The following EXOC6B variants were observed in gnomAD, a reference collection of about 807,000 sequenced individuals.
EXOC6B encodes SEC15 homolog B.
Under a neutral mutation model 113.5 loss-of-function variants are expected in EXOC6B, and 54 were observed. That is an observed-to-expected ratio of 0.48 (90% CI 0.38 to 0.60). EXOC6B has a LOEUF of 0.60. Among genes scored for constraint, EXOC6B ranks in the 20% least tolerant of loss-of-function variants. The pLI, the probability that EXOC6B is intolerant of heterozygous loss-of-function variation, is 0.00. For missense variants in EXOC6B, 797 were observed against 977.5 expected, an observed-to-expected ratio of 0.82 and a Z score of 2.46; for synonymous variants, 357 against 339.0, an observed-to-expected ratio of 1.05 and a Z score of -0.58.
chr2:72,515,160 A>G lies in EXOC6B; in HGVS notation c.916-34T>C. On this transcript the variant is annotated intron_variant, in intron 8 of 21. Coordinates refer to ENST00000272427, the MANE Select transcript of EXOC6B (RefSeq NM_015189.3). The stretch of plus-strand genomic sequence containing the variant: ...AAAGAAAAGAAAATGGGTTGACACA[A>G]TTGGACCAATTACTCTTTTATTTCA... 4 of 1,526,624 alleles carry G rather than the reference A, an allele frequency of 2.6e-6. No homozygotes were observed. The South Asian group carries it at 3.6e-5, about 14-fold the overall frequency. 94.6% of individuals were successfully genotyped at this position (1,526,624 alleles called of 1,614,324 possible). A position where few individuals can be genotyped will look rare whatever the true frequency, so the allele number is the denominator to read the frequency against.
At chr2:72,794,423 T>A (rs995711483) in intron 1 of EXOC6B, among the ~76,000 whole-genome samples, 2 of 152,148 alleles carry the variant, frequency 1.3e-5, no homozygotes, top group Non-Finnish European at 2.9e-5. Context: ...TGAGATTTGG[T>A]GAATATTACC....
At chr2:72,702,372 C>T (rs1228456161) in intron 6 of EXOC6B, among the ~76,000 whole-genome samples, 1 of 137,014 alleles carries the variant, frequency 7.3e-6, no homozygotes, top group Admixed American at 7.5e-5. Flanking sequence ...AATAATGCCG[C>T]AATAAACATA....
At chr2:72,248,983 G>A (rs1377904323) in intron 20 of EXOC6B, among the ~76,000 whole-genome samples, 1 of 152,162 alleles carries the variant, frequency 6.6e-6, no homozygotes, top group East Asian at 1.9e-4. Flanking sequence ...GGCAAACAAG[G>A]CTGGGTGTGG....
At chr2:72,273,483 C>A (rs1449731889) in intron 20 of EXOC6B, among the ~76,000 whole-genome samples, 1 of 152,104 alleles carries the variant, frequency 6.6e-6, no homozygotes, top group Non-Finnish European at 1.5e-5. Flanking sequence ...TGCAACAAAT[C>A]TTTGTGTAAG....
intron 20 of EXOC6B, among the ~76,000 whole-genome samples, chr2:72,245,833 G>C (rs1049734044): frequency 2.6e-5 from 4 of 151,992 alleles, no homozygotes; most frequent in Non-Finnish European, 5.9e-5. Flanking sequence ...ATTTTAAAAA[G>C]TCACCTTTTA....
chr2:72,693,188 A>G (rs1399114933), intron 6 of EXOC6B, among the ~76,000 whole-genome samples: 1 of 152,194 alleles, frequency 6.6e-6, no homozygotes, highest in Non-Finnish European at 1.5e-5. Flanking sequence ...TGAGTTAACA[A>G]AAAAATATAA....
chr2:72,297,135 G>A (rs1686185880), intron 20 of EXOC6B, among the ~76,000 whole-genome samples: 1 of 152,008 alleles, frequency 6.6e-6, no homozygotes, highest in Non-Finnish European at 1.5e-5. Context: ...TTATAATATA[G>A]GTAAATATAA....
At chr2:72,663,039 A>C (rs1675134351) in intron 6 of EXOC6B, among the ~76,000 whole-genome samples, 1 of 152,166 alleles carries the variant, frequency 6.6e-6, no homozygotes, top group African/African-American at 2.4e-5. Flanking sequence ...TTAAAAAAGT[A>C]AAACTGCACC....
intron 17 of EXOC6B, among the ~76,000 whole-genome samples, chr2:72,468,060 C>CA (rs1698164167): frequency 6.6e-6 from 1 of 151,830 alleles, no homozygotes; most frequent in African/African-American, 2.4e-5. Context: ...CGTGAGCCAC[C>CA]ATGCTCTGCC....
chr2:72,515,603 T>C (rs1658761518), intron 8 of EXOC6B: 1 of 997,258 alleles, frequency 1.0e-6, no homozygotes, highest in Non-Finnish European at 1.2e-6. Context: ...CCTTAGGTTA[T>C]AATCCAGCAC....
intron 1 of EXOC6B, among the ~76,000 whole-genome samples, chr2:72,799,239 C>CAA (rs956224881): frequency 0.21 from 8,788 of 40,900 alleles, 1,489 homozygotes; most frequent in African/African-American, 0.43. Flanking sequence ...GACCCTGTCT[C>CAA]AAAAAAAAAA....
rs1224152726 is a variant in EXOC6B, at chr2:72,401,511, A to ATG, written c.1981-21642_1981-21641insCA. Among the ~76,000 whole-genome samples, 7 of 41,392 alleles carry ATG rather than the reference A, an allele frequency of 1.7e-4. 1 individual carries two copies. The East Asian group carries it at 2.3e-3, about 13-fold the overall frequency. The allele number at this position is 41,392 out of a possible 152,430, so 27.2% of individuals were successfully genotyped here. On this transcript the variant is annotated intron_variant, in intron 18 of 21. Transcript: ENST00000272427. ...TTTATATACATATATATATATATAT[A>ATG]TATACATATATACATATATATATAT... is the stretch of plus-strand genomic sequence containing the variant.
intron 6 of EXOC6B, among the ~76,000 whole-genome samples, chr2:72,595,572 G>A (rs1670034845): frequency 6.6e-6 from 1 of 151,898 alleles, no homozygotes; most frequent in Non-Finnish European, 1.5e-5. Context: ...CTTTTAAAGA[G>A]TGATGAGAGT....
At chr2:72,663,590 T>C (rs1178731808) in intron 6 of EXOC6B, among the ~76,000 whole-genome samples, 1 of 152,146 alleles carries the variant, frequency 6.6e-6, no homozygotes, top group African/African-American at 2.4e-5. Flanking sequence ...CAGTAAAACC[T>C]GTGCTTACAA....
intron 20 of EXOC6B, among the ~76,000 whole-genome samples, chr2:72,268,407 C>T (rs1451807921): frequency 6.6e-6 from 1 of 151,882 alleles, no homozygotes; most frequent in Non-Finnish European, 1.5e-5. Context: ...CCACTGTGCC[C>T]AGCTCAACAT....
chr2:72,700,690 G>A lies in EXOC6B; in HGVS notation c.669+17413C>T, dbSNP rs969596271. Among the ~76,000 whole-genome samples the A allele has an allele frequency of 5.9e-5, 9 of 152,298 alleles. 1 individual carries two copies. The East Asian group carries it at 9.7e-4, about 16-fold the overall frequency. ...AAAAATGATTAAAATGGGGCCAGGC[G>A]CAGTGGCTCACACCTGTAATGCCAG... On this transcript the variant is annotated intron_variant, in intron 6 of 21. Transcript: ENST00000272427.
chr2:72,468,083 T>G (rs1157865506), intron 17 of EXOC6B, among the ~76,000 whole-genome samples: 1 of 152,086 alleles, frequency 6.6e-6, no homozygotes, highest in Non-Finnish European at 1.5e-5. Flanking sequence ...TTCTGCCATT[T>G]TGTAGGTTAT....
chr2:72,239,842 A>G (rs1466623872), intron 20 of EXOC6B, among the ~76,000 whole-genome samples: 2 of 152,162 alleles, frequency 1.3e-5, no homozygotes, highest in Non-Finnish European at 2.9e-5. Flanking sequence ...ACGATGTTTT[A>G]CAGTTTTTAA....
intron 20 of EXOC6B, among the ~76,000 whole-genome samples, chr2:72,263,649 T>G (rs1396995148): frequency 6.6e-6 from 1 of 152,162 alleles, no homozygotes; most frequent in Non-Finnish European, 1.5e-5. Flanking sequence ...ATAAAGCAAT[T>G]CTATAAAATG....
Sources: allele counts gnomAD v4.1 joint callset (sites outside exome capture counted in the v4.1 genomes callset), GRCh38; gene constraint gnomAD v4.1.1; transcripts MANE v1.5; gene names NCBI Gene and HGNC (gene_info 2026-07-23, HGNC 2026-07-21).